Variants in JAZF1 observed in about 807,000 individuals in gnomAD.
JAZF1 encodes JAZF zinc finger 1, also known as juxtaposed with another zinc finger protein 1.
JAZF1 carries 8 observed loss-of-function variants against 26.4 expected under a neutral mutation model. The ratio of observed to expected loss-of-function variants is 0.30; its 90% CI spans 0.18 to 0.55. The LOEUF is 0.55. Ranked by LOEUF, JAZF1 falls within the 20% of genes least tolerant of loss-of-function variation. The pLI, the probability that JAZF1 is intolerant of heterozygous loss-of-function variation, is 0.94. For synonymous variants in JAZF1, 126 were observed against 122.3 expected, an observed-to-expected ratio of 1.03 and a Z score of -0.20; for missense variants, 199 against 322.0, an observed-to-expected ratio of 0.62 and a Z score of 2.92.
chr7:27,927,921 T>C (rs1354075875), intron 2 of JAZF1, among the ~76,000 whole-genome samples: 2 of 152,234 alleles, frequency 1.3e-5, no homozygotes, highest in African/African-American at 4.8e-5. Flanking sequence ...CGTCTCATTT[T>C]ACATGTACTT....
intron 3 of JAZF1, among the ~76,000 whole-genome samples, chr7:27,848,680 T>C (rs1417248668): frequency 2.0e-5 from 3 of 152,208 alleles, no homozygotes; most frequent in African/African-American, 7.2e-5. Context: ...TGAGGCCCTA[T>C]TATTTTTTAA....
chr7:28,029,259 C>T (rs1406007177), intron 1 of JAZF1, among the ~76,000 whole-genome samples: 1 of 152,092 alleles, frequency 6.6e-6, no homozygotes. Context: ...TATGCTGGAT[C>T]ACTAAATAAT....
chr7:28,055,558 ATACTC>A (rs10548996), intron 1 of JAZF1, among the ~76,000 whole-genome samples: 1,955 of 152,296 alleles, frequency 0.013, 30 homozygotes, highest in African/African-American at 0.044. Flanking sequence ...CTCCAAATGA[ATACTC>A]TAATAGTAAC....
chr7:27,895,970 T>C (rs1328880714), intron 2 of JAZF1, among the ~76,000 whole-genome samples: 1 of 152,196 alleles, frequency 6.6e-6, no homozygotes, highest in African/African-American at 2.4e-5. Context: ...AGTCCTTGCT[T>C]CCCTAGTCAT....
intron 1 of JAZF1, among the ~76,000 whole-genome samples, chr7:28,132,652 A>G (rs1209746030): frequency 3.9e-5 from 6 of 152,244 alleles, no homozygotes; most frequent in Non-Finnish European, 7.3e-5. Context: ...AGCATTATTC[A>G]GAATTACCCT....
chr7:27,992,803 C>T (rs1168314627), intron 1 of JAZF1, among the ~76,000 whole-genome samples: 1 of 152,226 alleles, frequency 6.6e-6, no homozygotes, highest in Admixed American at 6.5e-5. Context: ...AGATTTCACA[C>T]AGATTTCTTT....
intron 1 of JAZF1, among the ~76,000 whole-genome samples, chr7:28,154,877 T>A (rs1183421809): frequency 6.6e-6 from 1 of 151,242 alleles, no homozygotes; most frequent in African/African-American, 2.4e-5. Flanking sequence ...TGGCCTTTTC[T>A]CCTAAAAACA....
At chr7:27,940,221 T>C (rs933924119) in intron 2 of JAZF1, among the ~76,000 whole-genome samples, 9 of 152,158 alleles carry the variant, frequency 5.9e-5, no homozygotes, top group African/African-American at 2.2e-4. Flanking sequence ...GATAAGTTTC[T>C]TGGAAAGGCT....
At chr7:27,909,313 T>C (rs905946992) in intron 2 of JAZF1, among the ~76,000 whole-genome samples, 1 of 152,218 alleles carries the variant, frequency 6.6e-6, no homozygotes, top group African/African-American at 2.4e-5. Context: ...ATATACTTGG[T>C]AAACTGTGAA....
At chr7:28,117,039 G>T (rs1294609443) in intron 1 of JAZF1, among the ~76,000 whole-genome samples, 1 of 152,050 alleles carries the variant, frequency 6.6e-6, no homozygotes, top group Admixed American at 6.6e-5. Context: ...GTCCAGACTG[G>T]TCTCGAACTC....
At chr7:27,858,237 C>T (rs1396746534) in intron 3 of JAZF1, among the ~76,000 whole-genome samples, 6 of 152,112 alleles carry the variant, frequency 3.9e-5, no homozygotes, top group Non-Finnish European at 8.8e-5. Context: ...GGAGAGGACA[C>T]AAACAAATGG....
intron 1 of JAZF1, among the ~76,000 whole-genome samples, chr7:28,149,200 C>T (rs1292100076): frequency 6.6e-6 from 1 of 152,158 alleles, no homozygotes. Context: ...TCTCCTCAAG[C>T]AGCCCAATTT....
chr7:28,016,825 T>C (rs549164017), intron 1 of JAZF1, among the ~76,000 whole-genome samples: 1 of 152,284 alleles, frequency 6.6e-6, no homozygotes, highest in South Asian at 2.1e-4. Flanking sequence ...AACCAATATT[T>C]ATCGAAGACC....
At chr7:28,149,737 G>A (rs938834279) in intron 1 of JAZF1, among the ~76,000 whole-genome samples, 1 of 152,194 alleles carries the variant, frequency 6.6e-6, no homozygotes, top group Non-Finnish European at 1.5e-5. Flanking sequence ...TGTCTAAAAC[G>A]AATGTATCTG....
At chr7:28,057,287 A>G (rs1452591225) in intron 1 of JAZF1, among the ~76,000 whole-genome samples, 1 of 152,180 alleles carries the variant, frequency 6.6e-6, no homozygotes, top group Non-Finnish European at 1.5e-5. Context: ...CTTAACCTCT[A>G]TCTGTATGAG....
At chr7:27,975,954 G>C (rs1274909489) in intron 2 of JAZF1, among the ~76,000 whole-genome samples, 2 of 152,162 alleles carry the variant, frequency 1.3e-5, no homozygotes, top group Non-Finnish European at 2.9e-5. Flanking sequence ...CTCCTACCAA[G>C]TGTTTTGTGT....
chr7:28,078,544 C>T (rs752656987), intron 1 of JAZF1, among the ~76,000 whole-genome samples: 12 of 152,210 alleles, frequency 7.9e-5, no homozygotes, highest in Admixed American at 1.3e-4. Context: ...GATTGTATTA[C>T]TACCAGATTA....
At chr7:27,992,924 A>G (rs367596734) in intron 1 of JAZF1, among the ~76,000 whole-genome samples, 7 of 152,296 alleles carry the variant, frequency 4.6e-5, no homozygotes, top group African/African-American at 1.7e-4. Flanking sequence ...ACCTTTGCAC[A>G]GGAAGTGTTT....
At chr7:28,095,052 C>T (rs920610694) in intron 1 of JAZF1, among the ~76,000 whole-genome samples, 2 of 152,148 alleles carry the variant, frequency 1.3e-5, no homozygotes, top group South Asian at 4.1e-4. Flanking sequence ...GTGCCATCTC[C>T]GAATCTGAGA....
Sources: allele counts gnomAD v4.1 joint callset (sites outside exome capture counted in the v4.1 genomes callset), GRCh38; gene constraint gnomAD v4.1.1; transcripts MANE v1.5; gene names NCBI Gene and HGNC (gene_info 2026-07-23, HGNC 2026-07-21).